ANKH: variants seen among roughly 807,000 people sequenced by gnomAD.
The protein encoded by ANKH is ANKH inorganic pyrophosphate transport regulator, also known as mineralization regulator ANKH.
ANKH carries 15 observed loss-of-function variants against 49.0 expected under a neutral mutation model. The ratio of observed to expected loss-of-function variants is 0.31; its 90% CI spans 0.20 to 0.47. The LOEUF (loss-of-function observed/expected upper bound fraction) is 0.47, where lower values mean the gene tolerates loss of function less well. Ranked by LOEUF, ANKH falls within the 20% of genes least tolerant of loss-of-function variation. The pLI is 1.00. For synonymous variants in ANKH, 273 were observed against 260.0 expected (o/e 1.05, Z -0.48); for missense variants, 429 against 652.0 (o/e 0.66, Z 3.72).
intron 1 of ANKH, among the ~76,000 whole-genome samples, chr5:14,813,286 C>T (rs1740940631): frequency 6.6e-6 from 1 of 151,510 alleles, no homozygotes; most frequent in Admixed American, 6.6e-5. Context: ...ATTAGCAGAA[C>T]CTATTTCTCA....
Position 14,755,846 on chromosome 5 carries a change from A to G in ANKH, c.516+15T>C. ...GACTCTGAGGAGCTCTGATTGACAC[A>G]CAGACCATATTTACCTGAGCTATGA... On this transcript the variant is annotated intron_variant, in intron 4 of 11. Coordinates refer to ENST00000284268, the MANE Select transcript of ANKH (RefSeq NM_054027.6). 1 of 1,611,928 alleles carries G rather than the reference A, an allele frequency of 6.2e-7. No homozygotes were observed.
At chr5:14,766,890 G>A (rs934464295) in intron 2 of ANKH, among the ~76,000 whole-genome samples, 1 of 152,128 alleles carries the variant, frequency 6.6e-6, no homozygotes, top group Non-Finnish European at 1.5e-5. Flanking sequence ...AAATATACTT[G>A]GAGTATTTCC....
chr5:14,763,794 G>T (rs1739169197), intron 2 of ANKH, among the ~76,000 whole-genome samples: 1 of 152,160 alleles, frequency 6.6e-6, no homozygotes. Context: ...ACCCCCAAAA[G>T]AAGTGACTGG....
intron 1 of ANKH, among the ~76,000 whole-genome samples, chr5:14,786,577 C>T (rs1044856066): frequency 2.6e-5 from 4 of 152,124 alleles, no homozygotes; most frequent in African/African-American, 9.7e-5. Flanking sequence ...AGGGCACAGA[C>T]ACATCAAAAG....
At position 14,709,695 on chromosome 5, in the gene ANKH, A is replaced by G. The variant is rs1242951848; in HGVS notation, c.*1502T>C. On this transcript the variant is annotated 3_prime_UTR_variant, in exon 12 of 12. Transcript: ENST00000284268. ...ATAATGAAAAATAGTTCTGTCATTT[A>G]CTGAGCCTTACATTCAAATGCAAAT... 1 of 152,628 alleles carries G rather than the reference A, an allele frequency of 6.6e-6. No individual in the cohort carries two copies. The highest frequency in any genetic ancestry group is 1.9e-4 in the East Asian group (1 of 5,198). The allele number at this position is 152,628 out of a possible 1,614,324, so 9.5% of individuals were successfully genotyped here.
At chr5:14,775,040 T>C (rs1034274393) in intron 1 of ANKH, among the ~76,000 whole-genome samples, 1 of 143,942 alleles carries the variant, frequency 6.9e-6, no homozygotes, top group Admixed American at 7.2e-5. Context: ...TTCCTATACA[T>C]ACACACACAT....
Position 14,741,936 on chromosome 5 carries a change from A to T in ANKH, c.916-14T>A. 3.1e-6 allele frequency: 5 copies of T among 1,610,508 alleles called. No homozygotes were observed. The highest frequency in any genetic ancestry group is 4.2e-6 in the Non-Finnish European group (5 of 1,176,814). Reference sequence around the variant, plus strand: ...GCTGGGGTTATTCTGGGGAAAGAAAACCACAGTCATGAATGGGCCCGGCTT... The same window carrying T: ...GCTGGGGTTATTCTGGGGAAAGAAATCCACAGTCATGAATGGGCCCGGCTT... On this transcript the variant is annotated splice_polypyrimidine_tract_variant and intron_variant, in intron 7 of 11. Coordinates refer to ENST00000284268, the MANE Select transcript of ANKH (RefSeq NM_054027.6).
intron 8 of ANKH, among the ~76,000 whole-genome samples, chr5:14,720,975 G>A (rs975379337): frequency 6.6e-6 from 1 of 152,194 alleles, no homozygotes. Flanking sequence ...ATCCACAATC[G>A]GGTCATGTTC....
chr5:14,757,623 A>T (rs1201188295), intron 3 of ANKH, among the ~76,000 whole-genome samples: 1 of 152,028 alleles, frequency 6.6e-6, no homozygotes, highest in African/African-American at 2.4e-5. Context: ...TTCTTACTCT[A>T]AAACTCTGGG....
Position 14,711,038 on chromosome 5 carries a change from G to GTA in ANKH, c.*157_*158dup. ...CCCCCCGTCAGTGTGAGCATACCCA[G>GTA]TATGCTAGAGAATTGACACGAAACC... On this transcript the variant is annotated 3_prime_UTR_variant, in exon 12 of 12. Coordinates refer to ENST00000284268, the MANE Select transcript of ANKH (RefSeq NM_054027.6). 1.4e-6 allele frequency: 1 copy of GTA among 716,626 alleles called. No individual in the cohort carries two copies. Among genetic ancestry groups the GTA allele is most frequent in the Non-Finnish European group, 2.5e-6 (1 of 395,672 alleles). The allele number at this position is 716,626 out of a possible 1,614,324, so 44.4% of individuals were successfully genotyped here.
In ANKH at chr5:14,710,020, T is replaced by C. The variant is rs1737104180; in HGVS notation, c.*1177A>G. 2 of 152,198 alleles carry C rather than the reference T, an allele frequency of 1.3e-5. No individual in the cohort carries two copies. Among genetic ancestry groups the C allele is most frequent in the African/African-American group, 4.8e-5 (2 of 41,442 alleles). 9.4% of individuals were successfully genotyped at this position (152,198 alleles called of 1,614,324 possible). A position where few individuals can be genotyped will look rare whatever the true frequency, so the allele number is the denominator to read the frequency against. On this transcript the variant is annotated 3_prime_UTR_variant, in exon 12 of 12. Transcript: ENST00000284268. Reference sequence around the variant, plus strand: ...AGGAAAAAACCTGCTTTCCAAAACTTAGAAAAATATACTGCACTGCATGGA... The same window carrying C: ...AGGAAAAAACCTGCTTTCCAAAACTCAGAAAAATATACTGCACTGCATGGA...
At chr5:14,775,736 G>A (rs1739595855) in intron 1 of ANKH, among the ~76,000 whole-genome samples, 1 of 152,182 alleles carries the variant, frequency 6.6e-6, no homozygotes, top group African/African-American at 2.4e-5. Context: ...ATAGAGAGGT[G>A]TAGAAGGTGG....
chr5:14,739,273 C>G (rs906932004), intron 8 of ANKH, among the ~76,000 whole-genome samples: 1 of 152,088 alleles, frequency 6.6e-6, no homozygotes, highest in Non-Finnish European at 1.5e-5. Context: ...AAAAATCAGC[C>G]GGGTGTGGTG....
chr5:14,728,306 T>C (rs1202047585), intron 8 of ANKH, among the ~76,000 whole-genome samples: 1 of 151,928 alleles, frequency 6.6e-6, no homozygotes, highest in Non-Finnish European at 1.5e-5. Context: ...GGGGCCAGAG[T>C]TCAATCCAGG....
At chr5:14,784,131 T>C (rs1024306759) in intron 1 of ANKH, among the ~76,000 whole-genome samples, 9 of 152,372 alleles carry the variant, frequency 5.9e-5, no homozygotes, top group Middle Eastern at 6.8e-3. Context: ...ACCTCTTACA[T>C]AGGCGGTACT....
chr5:14,834,517 A>T (rs1187713342), intron 1 of ANKH, among the ~76,000 whole-genome samples: 1 of 152,244 alleles, frequency 6.6e-6, no homozygotes, highest in East Asian at 1.9e-4. Flanking sequence ...GCAGTGGCTC[A>T]TGCCTGTAAT....
In ANKH at chr5:14,871,521, GGGC is replaced by G. The variant is rs1218873140; in HGVS notation, c.-77_-75del. Reference sequence around the variant, plus strand: ...CTCTGCGGGGAGGCGAGGGGCGACGGGGCGACGGGGCGAGCGGGGCGCGGGCCG... The same window carrying G: ...CTCTGCGGGGAGGCGAGGGGCGACGGGACGGGGCGAGCGGGGCGCGGGCCG... On this transcript the variant is annotated 5_prime_UTR_variant, in exon 1 of 12. Transcript: ENST00000284268. 4 of 1,163,618 alleles carry G rather than the reference GGGC, an allele frequency of 3.4e-6. No homozygotes were observed. The highest frequency in any genetic ancestry group is 4.8e-6 in the Non-Finnish European group (4 of 835,622). 72.1% of individuals were successfully genotyped at this position (1,163,618 alleles called of 1,614,324 possible).
At chr5:14,819,500 T>G (rs994868538) in intron 1 of ANKH, among the ~76,000 whole-genome samples, 3 of 152,192 alleles carry the variant, frequency 2.0e-5, no homozygotes, top group Non-Finnish European at 4.4e-5. Flanking sequence ...GTATCACCTT[T>G]ATTTCAGTCT....
chr5:14,802,322 C>T (rs868433429), intron 1 of ANKH, among the ~76,000 whole-genome samples: 2 of 152,026 alleles, frequency 1.3e-5, no homozygotes, highest in Admixed American at 1.3e-4. Flanking sequence ...CATTTTCAAT[C>T]AATCACCTTG....
Sources: gnomAD v4.1 joint callset for allele counts (sites outside exome capture counted in the v4.1 genomes callset) on GRCh38, gnomAD v4.1.1 for gene constraint, MANE v1.5 for transcripts, NCBI Gene and HGNC (gene_info 2026-07-23, HGNC 2026-07-21) for gene names.